The following NCOA2 variants were observed in gnomAD, a reference collection of about 807,000 sequenced individuals.
NCOA2 encodes the protein class E basic helix-loop-helix protein 75.
A neutral mutation model predicts 145.1 loss-of-function variants in NCOA2; 21 were observed. The ratio of observed to expected loss-of-function variants is 0.14; its 90% CI spans 0.10 to 0.21. The LOEUF is 0.21. Among genes scored for constraint, NCOA2 ranks in the 10% least tolerant of loss-of-function variants. NCOA2 has a pLI of 1.00. For synonymous variants in NCOA2, 619 were observed against 637.5 expected, an observed-to-expected ratio of 0.97 and a Z score of 0.44; for missense variants, 1,472 against 1,837.6, an observed-to-expected ratio of 0.80 and a Z score of 3.64.
chr8:70,360,535 C>G (rs150523951), intron 1 of NCOA2, among the ~76,000 whole-genome samples: 3 of 152,274 alleles, frequency 2.0e-5, no homozygotes, highest in African/African-American at 7.2e-5. Flanking sequence ...ATGGTTATTT[C>G]ATCCCACCAA....
At chr8:70,456,076 C>CAA in the NCOA2 span, among the ~76,000 whole-genome samples, 8 of 102,676 alleles carry the variant, frequency 7.8e-5, no homozygotes, top group East Asian at 2.8e-4. Flanking sequence ...CATTGCGTAG[C>CAA]AAAAAAAAAA....
intron 22 of NCOA2, among the ~76,000 whole-genome samples, chr8:70,114,178 G>A (rs969247940): frequency 1.3e-5 from 2 of 152,030 alleles, no homozygotes; most frequent in Non-Finnish European, 2.9e-5. Flanking sequence ...ATCATGATGG[G>A]TTTTGACTCC....
At chr8:70,427,056 G>T in the NCOA2 span, among the ~76,000 whole-genome samples, 1 of 152,100 alleles carries the variant, frequency 6.6e-6, no homozygotes, top group Non-Finnish European at 1.5e-5. Flanking sequence ...AAGTGCTGGG[G>T]TTACAGGTGT....
chr8:70,390,662 G>A (rs1164868167), intron 1 of NCOA2, among the ~76,000 whole-genome samples: 1 of 152,048 alleles, frequency 6.6e-6, no homozygotes, highest in African/African-American at 2.4e-5. Context: ...AGCTACTCAG[G>A]AGGCAGAGGT....
At chr8:70,383,917 G>C (rs184240514) in intron 1 of NCOA2, among the ~76,000 whole-genome samples, 15 of 152,264 alleles carry the variant, frequency 9.9e-5, no homozygotes, top group Non-Finnish European at 2.1e-4. Flanking sequence ...TCTGGTAACT[G>C]TATCTAAATA....
intron 2 of NCOA2, chr8:70,273,774 A>AAAG (rs1212537814): frequency 1.7e-6 from 1 of 591,810 alleles, no homozygotes; most frequent in Non-Finnish European, 3.3e-6. Context: ...TACTGGAGAG[A>AAAG]ATGATGATGA....
chr8:70,375,235 T>C (rs928627680), intron 1 of NCOA2, among the ~76,000 whole-genome samples: 1 of 152,238 alleles, frequency 6.6e-6, no homozygotes, highest in East Asian at 1.9e-4. Context: ...AAAGTACTTG[T>C]GCATATGCGT....
intron 1 of NCOA2, among the ~76,000 whole-genome samples, chr8:70,355,072 T>A (rs1239383748): frequency 6.6e-6 from 1 of 152,232 alleles, no homozygotes; most frequent in Non-Finnish European, 1.5e-5. Context: ...AAACGCAAAT[T>A]CAACCAAACC....
At chr8:70,207,094 T>C (rs1281475786) in intron 4 of NCOA2, among the ~76,000 whole-genome samples, 1 of 152,164 alleles carries the variant, frequency 6.6e-6, no homozygotes, top group Non-Finnish European at 1.5e-5. Context: ...CCCTGGCAAA[T>C]AACCATACGT....
rs568368982 is a variant in NCOA2, at chr8:70,136,760, G to A, written c.3158+1443C>T. Among the ~76,000 whole-genome samples the A allele has an allele frequency of 1.2e-4, 18 of 152,246 alleles. No homozygotes were observed. The South Asian group carries it at 2.5e-3, about 21-fold the overall frequency. On this transcript the variant is annotated intron_variant, in intron 15 of 22. Transcript: ENST00000452400. ...ATAAAGGGGATTTTTAAAAAGCACT[G>A]CTCTTCTTTTATTTCAAAAGAGAGA...
rs570817888 is a variant in NCOA2 at position 70,109,896 on chromosome 8, C to T, written c.*3736G>A. On this transcript the variant is annotated 3_prime_UTR_variant, in exon 23 of 23. Coordinates refer to ENST00000452400, the MANE Select transcript of NCOA2 (RefSeq NM_006540.4). ...AATAGCATCAGCAAAGCAATATTAA[C>T]TTGCATAAATGTATTTAAAATTTCT... 5.4e-6 allele frequency: 1 copy of T among 183,738 alleles called. No individual in the cohort carries two copies. Among genetic ancestry groups the T allele is most frequent in the African/African-American group, 2.3e-5 (1 of 42,722 alleles). 11.4% of individuals were successfully genotyped at this position (183,738 alleles called of 1,614,324 possible).
At chr8:70,241,698 G>A (rs149480372) in intron 2 of NCOA2, among the ~76,000 whole-genome samples, 3 of 152,038 alleles carry the variant, frequency 2.0e-5, no homozygotes, top group African/African-American at 7.3e-5. Context: ...CTGAAATCCT[G>A]CACCACTGAC....
At chr8:70,405,144 G>A (rs1016117897), upstream of NCOA2, among the ~76,000 whole-genome samples, 1 of 152,178 alleles carries the variant, frequency 6.6e-6, no homozygotes, top group Admixed American at 6.5e-5. Flanking sequence ...TAGTTGGAGA[G>A]GATGTGAGCC....
chr8:70,377,039 T>C (rs2131352469), intron 1 of NCOA2, among the ~76,000 whole-genome samples: 1 of 146,498 alleles, frequency 6.8e-6, no homozygotes, highest in Admixed American at 6.7e-5. Context: ...TGGCTTTTTC[T>C]GTAGTAAATG....
intron 2 of NCOA2, among the ~76,000 whole-genome samples, chr8:70,296,043 G>A (rs922810089): frequency 3.3e-5 from 5 of 152,120 alleles, no homozygotes; most frequent in Admixed American, 1.3e-4. Flanking sequence ...TTTATTACCC[G>A]ATAATTACTT....
At chr8:70,168,069 A>G (rs971352454) in intron 6 of NCOA2, among the ~76,000 whole-genome samples, 1 of 152,208 alleles carries the variant, frequency 6.6e-6, no homozygotes, top group Non-Finnish European at 1.5e-5. Flanking sequence ...GAAAACTAAT[A>G]TATTCTCCAG....
Position 70,156,474 on chromosome 8 carries a change from T to C in NCOA2, c.1891A>G (p.Arg631Gly), listed in dbSNP as rs1812303531. The change falls in exon 11 of 23, where the codon AGA becomes GGA. Residue 631 changes from arginine to glycine, a missense_variant. Physicochemically the swap from Arg to Gly is moderately radical, Grantham distance 125. Transcript: ENST00000452400. ...GTCTGCCCTTTGCTGTCATGCAGTC[T>C]GCTCTGCCCGTCAGCTCTCTCACTG... The part of the protein sequence containing the change: ...VSSERADGQS[R>G]LHDSKGQTKL... The C allele has an allele frequency of 6.2e-7, 1 of 1,613,814 alleles. No homozygotes were observed. Among genetic ancestry groups the C allele is most frequent in the African/African-American group, 1.3e-5 (1 of 74,930 alleles).
At chr8:70,336,611 AGG>A (rs1807618183) in intron 1 of NCOA2, among the ~76,000 whole-genome samples, 2 of 149,812 alleles carry the variant, frequency 1.3e-5, no homozygotes, top group African/African-American at 2.4e-5. Context: ...AGAGACAGAG[AGG>A]GAGAGAGAAA....
intron 1 of NCOA2, among the ~76,000 whole-genome samples, chr8:70,316,895 G>A (rs1003246338): frequency 6.6e-6 from 1 of 152,158 alleles, no homozygotes; most frequent in Non-Finnish European, 1.5e-5. Flanking sequence ...GACCCATGGG[G>A]AATGCAGGAG....
Sources: allele counts gnomAD v4.1 joint callset (sites outside exome capture counted in the v4.1 genomes callset), GRCh38; gene constraint gnomAD v4.1.1; transcripts MANE v1.5; gene names NCBI Gene and HGNC (gene_info 2026-07-23, HGNC 2026-07-21).